FRMD6: variants seen among roughly 807,000 people sequenced by gnomAD.
The protein encoded by FRMD6 is FERM domain containing 6.
A neutral mutation model predicts 73.2 loss-of-function variants in FRMD6; 37 were observed. That is an observed-to-expected ratio of 0.51 (90% CI 0.39 to 0.66). The LOEUF (loss-of-function observed/expected upper bound fraction) is 0.66. Ranked by LOEUF, FRMD6 falls within the 30% of genes least tolerant of loss-of-function variation. The pLI, the probability that FRMD6 is intolerant of heterozygous loss-of-function variation, is 0.00. For missense variants in FRMD6, 714 were observed against 780.5 expected (o/e 0.91, Z 1.02); for synonymous variants, 273 against 282.2 (o/e 0.97, Z 0.33).
chr14:51,721,133 G>C (rs996318329), intron 11 of FRMD6, among the ~76,000 whole-genome samples: 1 of 152,172 alleles, frequency 6.6e-6, no homozygotes, highest in Admixed American at 6.5e-5. Flanking sequence ...GACATGGGGG[G>C]CTTTGTGAAC....
intron 1 of FRMD6, among the ~76,000 whole-genome samples, chr14:51,559,551 TA>T (rs903169527): frequency 1.4e-4 from 21 of 151,844 alleles, no homozygotes; most frequent in Non-Finnish European, 2.9e-4. Context: ...ATCACCAAGC[TA>T]GAATGACTCC....
At chr14:51,671,759 C>T (rs1197175451) in intron 1 of FRMD6, among the ~76,000 whole-genome samples, 1 of 152,148 alleles carries the variant, frequency 6.6e-6, no homozygotes, top group African/African-American at 2.4e-5. Context: ...TAAGAAGAGA[C>T]TAGCAAATGT....
chr14:51,636,437 T>C (rs1250206892), intron 2 of FRMD6, among the ~76,000 whole-genome samples: 2 of 152,178 alleles, frequency 1.3e-5, no homozygotes, highest in African/African-American at 2.4e-5. Flanking sequence ...ATTCCTGCCG[T>C]AAAGTTCTAT....
chr14:51,472,009 G>A, the FRMD6 span, among the ~76,000 whole-genome samples: 1 of 152,198 alleles, frequency 6.6e-6, no homozygotes, highest in African/African-American at 2.4e-5. Flanking sequence ...CATCTTAGGG[G>A]CAGACACCAG....
Position 51,715,344 on chromosome 14 carries a change from TG to T in FRMD6, c.870del (p.Leu290PhefsTer28). ...CCAAAGGGTAAGAAATTTGAGATTT[TG>T]CCAGATGGCTTGCCTTCTGCCCGGA... ...LVFVGKKFEILPDGLPSARKL... is the reference protein window; with the variant it reads ...LVFVGKKFEIXPDGLPSARKL... On this transcript the variant is annotated frameshift_variant, in exon 10 of 14. Coordinates refer to ENST00000344768, the MANE Select transcript of FRMD6 (RefSeq NM_001267046.2). LOFTEE classifies it high-confidence loss of function. 1 of 1,571,618 alleles carries T rather than the reference TG, an allele frequency of 6.4e-7. No individual in the cohort carries two copies. The highest frequency in any genetic ancestry group is 8.6e-7 in the Non-Finnish European group (1 of 1,156,600).
chr14:51,692,115 G>T lies in FRMD6; in HGVS notation c.99+2180G>T, dbSNP rs185478200. On this transcript the variant is annotated intron_variant, in intron 2 of 13. Coordinates refer to ENST00000344768, the MANE Select transcript of FRMD6 (RefSeq NM_001267046.2). ...TAGGGATTGTCTGAGGATCCAACAG[G>T]CCTGCCTATTGGATGAACTTTGTCA... 7.2e-3 allele frequency among the ~76,000 whole-genome samples: 1,094 copies of T among 152,206 alleles called. 2 individuals carry two copies. Among genetic ancestry groups the T allele is most frequent in the Non-Finnish European group, 0.012 (796 of 68,014 alleles).
intron 6 of FRMD6, among the ~76,000 whole-genome samples, chr14:51,705,988 C>A (rs1024417555): frequency 6.6e-6 from 1 of 151,994 alleles, no homozygotes; most frequent in African/African-American, 2.4e-5. Context: ...CTGGTTTTTT[C>A]CCCTATATCC....
At chr14:51,488,689 C>T (rs1252463192), upstream of FRMD6, among the ~76,000 whole-genome samples, 4 of 152,226 alleles carry the variant, frequency 2.6e-5, no homozygotes, top group African/African-American at 9.6e-5. Context: ...ACATTGACTG[C>T]CTGGAGTAAG....
At chr14:51,615,424 A>G (rs1297857620) in intron 2 of FRMD6, among the ~76,000 whole-genome samples, 1 of 152,202 alleles carries the variant, frequency 6.6e-6, no homozygotes, top group African/African-American at 2.4e-5. Context: ...GCAAGTAAAC[A>G]TGACATTATT....
At chr14:51,506,794 CTAAA>C (rs1249701463) in intron 1 of FRMD6, among the ~76,000 whole-genome samples, 1 of 151,254 alleles carries the variant, frequency 6.6e-6, no homozygotes, top group Non-Finnish European at 1.5e-5. Flanking sequence ...AGGCAGTTGA[CTAAA>C]TAAACCACAG....
chr14:51,468,926 T>TTTTG, the FRMD6 span, among the ~76,000 whole-genome samples: 6 of 152,182 alleles, frequency 3.9e-5, no homozygotes, highest in African/African-American at 1.4e-4. Flanking sequence ...CATTTGGTTT[T>TTTTG]TTTGTTTGTT....
In FRMD6 at chr14:51,720,246, A is replaced by G. The variant is rs766871200; in HGVS notation, c.1216A>G (p.Thr406Ala). The change falls in exon 11 of 14, where the codon ACG becomes GCG. Residue 406 changes from threonine to alanine, a missense_variant. Thr to Ala is a moderately conservative substitution (Grantham distance 58, BLOSUM62 0). Coordinates refer to ENST00000344768, the MANE Select transcript of FRMD6 (RefSeq NM_001267046.2). ...TGAGGCAGACACCAAGCCCCGGGACACGGGGCCAGAAGACAGCTACTCCAG... is the reference window on the plus strand; with the variant it reads ...TGAGGCAGACACCAAGCCCCGGGACGCGGGGCCAGAAGACAGCTACTCCAG... ...GIEADTKPRDTGPEDSYSSSA... is the reference protein window; with the variant it reads ...GIEADTKPRDAGPEDSYSSSA... The G allele has an allele frequency of 3.6e-4, 580 of 1,613,794 alleles. 2 individuals carry two copies. The highest frequency in any genetic ancestry group is 2.1e-5 in the Non-Finnish European group (25 of 1,179,936).
chr14:51,415,713 G>T, the FRMD6 span, among the ~76,000 whole-genome samples: 4 of 152,184 alleles, frequency 2.6e-5, no homozygotes, highest in East Asian at 5.8e-4. Context: ...GATTGGGATA[G>T]TTTCAGAAGG....
At chr14:51,479,540 G>A in the FRMD6 span, among the ~76,000 whole-genome samples, 1 of 152,192 alleles carries the variant, frequency 6.6e-6, no homozygotes, top group Non-Finnish European at 1.5e-5. Flanking sequence ...AACCAGAATT[G>A]TCTTCTTTTC....
intron 1 of FRMD6, among the ~76,000 whole-genome samples, chr14:51,543,971 G>A (rs143207375): frequency 3.6e-4 from 55 of 152,052 alleles, no homozygotes; most frequent in Middle Eastern, 6.8e-3. Context: ...TTGCTGTGAC[G>A]TAGGTTTCTT....
At chr14:51,540,062 T>TA (rs2139364537) in intron 1 of FRMD6, among the ~76,000 whole-genome samples, 1 of 152,286 alleles carries the variant, frequency 6.6e-6, no homozygotes, top group African/African-American at 2.4e-5. Context: ...GAATGCTTTA[T>TA]AAATATCAGT....
chr14:51,533,853 A>G (rs2140341806), intron 1 of FRMD6, among the ~76,000 whole-genome samples: 1 of 152,174 alleles, frequency 6.6e-6, no homozygotes, highest in South Asian at 2.1e-4. Context: ...AGTTCTTGTC[A>G]CTGCACACTG....
At chr14:51,721,059 T>C (rs190175532) in intron 11 of FRMD6, among the ~76,000 whole-genome samples, 2 of 152,286 alleles carry the variant, frequency 1.3e-5, no homozygotes, top group South Asian at 4.1e-4. Flanking sequence ...GACCATCTTT[T>C]TGGTTTCTGT....
chr14:51,430,214 A>T, the FRMD6 span, among the ~76,000 whole-genome samples: 1 of 152,228 alleles, frequency 6.6e-6, no homozygotes, highest in Non-Finnish European at 1.5e-5. Flanking sequence ...TTTACAAGTC[A>T]ACAACAAATC....
Sources: allele counts gnomAD v4.1 joint callset (sites outside exome capture counted in the v4.1 genomes callset), GRCh38; gene constraint gnomAD v4.1.1; transcripts MANE v1.5; gene names NCBI Gene and HGNC (gene_info 2026-07-23, HGNC 2026-07-21).